SATB2: variants seen among roughly 807,000 people sequenced by gnomAD.
SATB2 encodes SATB homeobox 2.
SATB2 carries 1 observed loss-of-function variant against 73.4 expected under a neutral mutation model. That is an observed-to-expected ratio of 0.01 (90% CI 0.00 to 0.06). The LOEUF (loss-of-function observed/expected upper bound fraction) is 0.06. SATB2 is among the 10% of genes least tolerant of loss of function. The pLI is 1.00. For missense variants in SATB2, 459 were observed against 945.8 expected (o/e 0.49, Z 6.75); for synonymous variants, 397 against 367.0 (o/e 1.08, Z -0.93).
At chr2:199,341,545 A>G (rs372688060) in intron 7 of SATB2, among the ~76,000 whole-genome samples, 2 of 152,188 alleles carry the variant, frequency 1.3e-5, no homozygotes, top group Admixed American at 6.5e-5. Flanking sequence ...TCTTTCCTCC[A>G]CATTCAATAT....
At chr2:199,411,678 T>C (rs558181228) in intron 3 of SATB2, among the ~76,000 whole-genome samples, 1 of 152,320 alleles carries the variant, frequency 6.6e-6, no homozygotes, top group Admixed American at 6.5e-5. Context: ...ACCACTATAA[T>C]GGTTATAGTG....
intron 2 of SATB2, among the ~76,000 whole-genome samples, chr2:199,437,028 A>C (rs537036441): frequency 3.3e-5 from 5 of 152,336 alleles, no homozygotes; most frequent in African/African-American, 1.2e-4. Flanking sequence ...CCAATAAAAG[A>C]ATAAAAATGT....
Position 199,310,386 on chromosome 2 carries a change from T to C in SATB2, c.1543-1429A>G, listed in dbSNP as rs558631216. On this transcript the variant is annotated intron_variant, in intron 9 of 10. Transcript: ENST00000417098. Reference sequence around the variant, plus strand: ...GTATCTTATCATTTGCTTGGAAATCTTTTTCCAAGTATTTTCATAGATTTT... The same window carrying C: ...GTATCTTATCATTTGCTTGGAAATCCTTTTCCAAGTATTTTCATAGATTTT... Among the ~76,000 whole-genome samples the C allele has an allele frequency of 2.0e-5, 3 of 152,306 alleles. No homozygotes were observed. In the South Asian group the frequency reaches 6.2e-4, roughly 32 times the overall value.
rs377609161 is a variant in SATB2, at chr2:199,308,829, C to T, written c.1671G>A (p.Glu557=). 13 of 1,614,168 alleles carry T rather than the reference C, an allele frequency of 8.1e-6. No homozygotes were observed. Among genetic ancestry groups the T allele is most frequent in the East Asian group, 2.2e-5 (1 of 44,874 alleles). The change falls in exon 10 of 11, where the codon GAG becomes GAA. Residue 557 remains glutamate (E), a synonymous_variant. Transcript: ENST00000417098. The surrounding 1 kb of genome is among the most constrained non-coding windows in gnomAD (Gnocchi z 4.6). The stretch of plus-strand genomic sequence containing the variant: ...CGCTGTGGTGATGCCTTGACTCCTC[C>T]TCATAGATGACATCCCTCTCATGCT... ...LPQHERDVIY[E]EESRHHHSER...
chr2:199,455,863 T>G lies in SATB2; in HGVS notation c.169+6A>C. On this transcript the variant is annotated splice_donor_region_variant and intron_variant, in intron 2 of 10. Coordinates refer to ENST00000417098, the MANE Select transcript of SATB2 (RefSeq NM_001172509.2). The surrounding 1 kb of genome is among the most constrained non-coding windows in gnomAD (Gnocchi z 4.1). ...GGCTGCGCGCCTCCCTGCTCCGGGC[T>G]GTTACCTCCCACGGCCTTGGCCACG... 2 of 1,536,250 alleles carry G rather than the reference T, an allele frequency of 1.3e-6. No homozygotes were observed. The highest frequency in any genetic ancestry group is 1.7e-6 in the Non-Finnish European group (2 of 1,147,488).
intron 10 of SATB2, among the ~76,000 whole-genome samples, chr2:199,297,300 T>G (rs1443980548): frequency 1.3e-5 from 2 of 152,228 alleles, no homozygotes; most frequent in Admixed American, 6.5e-5. Flanking sequence ...TTTGAGTAAA[T>G]TAGAGCTCAT....
In SATB2 at chr2:199,380,555, C is replaced by T. The variant is rs1047390874; in HGVS notation, c.474-68G>A. On this transcript the variant is annotated intron_variant, in intron 4 of 10. Coordinates refer to ENST00000417098, the MANE Select transcript of SATB2 (RefSeq NM_001172509.2). ...AGGGTCCCTGACTGAAGAGGAGACACTGCAGCAGCCATTCTTGGGTCTTGT... is the reference window on the plus strand; with the variant it reads ...AGGGTCCCTGACTGAAGAGGAGACATTGCAGCAGCCATTCTTGGGTCTTGT... 6 of 1,575,278 alleles carry T rather than the reference C, an allele frequency of 3.8e-6. No homozygotes were observed. In the East Asian group the frequency reaches 1.3e-4, roughly 35 times the overall value.
intron 3 of SATB2, among the ~76,000 whole-genome samples, chr2:199,387,964 T>C (rs1273689815): frequency 3.3e-5 from 5 of 152,232 alleles, no homozygotes; most frequent in Non-Finnish European, 7.3e-5. Flanking sequence ...TGTTCATGTT[T>C]TTGGTATTTA....
At chr2:199,329,574 C>G (rs993241091) in intron 7 of SATB2, among the ~76,000 whole-genome samples, 1 of 152,038 alleles carries the variant, frequency 6.6e-6, no homozygotes, top group African/African-American at 2.4e-5. Flanking sequence ...GGGGGAAACC[C>G]TAATGTCACC....
chr2:199,343,824 G>A (rs1007072997), intron 7 of SATB2, among the ~76,000 whole-genome samples: 3 of 152,114 alleles, frequency 2.0e-5, no homozygotes, highest in African/African-American at 7.2e-5. Flanking sequence ...TTCTTTCTAG[G>A]TGTAGCCATC....
At chr2:199,402,099 A>G (rs1205801878) in intron 3 of SATB2, among the ~76,000 whole-genome samples, 1 of 152,004 alleles carries the variant, frequency 6.6e-6, no homozygotes. Context: ...GATTTGATAC[A>G]TTATTGGCTG....
intron 3 of SATB2, among the ~76,000 whole-genome samples, chr2:199,395,031 G>A (rs1427222070): frequency 3.3e-5 from 5 of 151,838 alleles, no homozygotes; most frequent in Non-Finnish European, 7.4e-5. Context: ...AATACATGGG[G>A]AGAAAAGCAT....
chr2:199,279,745 G>T (rs891968764), intron 10 of SATB2, among the ~76,000 whole-genome samples: 1 of 152,148 alleles, frequency 6.6e-6, no homozygotes, highest in Admixed American at 6.5e-5. Flanking sequence ...GTTAATATTA[G>T]AATTATTTTG....
intron 10 of SATB2, among the ~76,000 whole-genome samples, chr2:199,299,775 G>GCCC (rs1261785369): frequency 6.6e-6 from 1 of 152,070 alleles, no homozygotes; most frequent in East Asian, 1.9e-4. Flanking sequence ...ATAACTTGAA[G>GCCC]CCTAACAGCA....
intron 6 of SATB2, among the ~76,000 whole-genome samples, chr2:199,359,253 T>C (rs1480509918): frequency 6.6e-6 from 1 of 152,190 alleles, no homozygotes; most frequent in African/African-American, 2.4e-5. Flanking sequence ...CTTTGATGTT[T>C]TAGGCCATTA....
chr2:199,355,522 G>C (rs180954737), intron 6 of SATB2, among the ~76,000 whole-genome samples: 1 of 152,040 alleles, frequency 6.6e-6, no homozygotes. Flanking sequence ...TTGAGCAAAA[G>C]GTGAAGCACC....
chr2:199,418,591 T>C (rs191850290), intron 3 of SATB2, among the ~76,000 whole-genome samples: 3 of 152,340 alleles, frequency 2.0e-5, no homozygotes, highest in Non-Finnish European at 1.5e-5. Flanking sequence ...AATCTTAACG[T>C]GGTTTGCTTC....
At chr2:199,427,511 T>C (rs1280484743) in intron 3 of SATB2, among the ~76,000 whole-genome samples, 1 of 152,174 alleles carries the variant, frequency 6.6e-6, no homozygotes, top group African/African-American at 2.4e-5. Flanking sequence ...TTGTGGTTTA[T>C]GTTTTCTAAG....
At chr2:199,280,642 G>A (rs1358723370) in intron 10 of SATB2, among the ~76,000 whole-genome samples, 1 of 152,124 alleles carries the variant, frequency 6.6e-6, no homozygotes, top group Admixed American at 6.5e-5. Context: ...CTGTAGGGAT[G>A]AAATAAGCCC....
Sources: allele counts gnomAD v4.1 joint callset (sites outside exome capture counted in the v4.1 genomes callset), GRCh38; gene constraint gnomAD v4.1.1; non-coding constraint Gnocchi (gnomAD v3.1); transcripts MANE v1.5; gene names NCBI Gene and HGNC (gene_info 2026-07-23, HGNC 2026-07-21).